Variants in ZNF98 observed in about 807,000 individuals in gnomAD.
The protein encoded by ZNF98 is zinc finger protein 98, also known as zinc finger protein 739.
In ZNF98, 8 loss-of-function variants were observed where a neutral mutation model predicts 12.8. That is an observed-to-expected ratio of 0.63 (90% confidence interval 0.37 to 1.13). The LOEUF (loss-of-function observed/expected upper bound fraction) is 1.13, where lower values mean the gene tolerates loss of function less well. Among genes scored for constraint, ZNF98 ranks in the 50% most tolerant of loss-of-function variants. ZNF98 has a pLI of 0.01. For missense variants in ZNF98, 379 were observed against 666.1 expected, an observed-to-expected ratio of 0.57 and a Z score of 4.74; for synonymous variants, 112 against 223.5, an observed-to-expected ratio of 0.50 and a Z score of 4.45.
At chr19:22,420,388 T>C (rs928995498) in intron 1 of ZNF98, among the ~76,000 whole-genome samples, 4 of 152,168 alleles carry the variant, frequency 2.6e-5, no homozygotes, top group African/African-American at 9.7e-5. Context: ...CTTTTGTCTT[T>C]TGGGATACTA....
intron 3 of ZNF98, chr19:22,402,395 C>G: frequency 2.5e-6 from 1 of 396,478 alleles, no homozygotes; most frequent in Non-Finnish European, 4.4e-6. Flanking sequence ...AACCACTGCT[C>G]TCACACATTT....
chr19:22,413,596 T>C (rs984623716), intron 1 of ZNF98, among the ~76,000 whole-genome samples: 6 of 151,804 alleles, frequency 4.0e-5, no homozygotes, highest in Non-Finnish European at 8.8e-5. Flanking sequence ...ATGGGCCAGG[T>C]GCGGTGGCTC....
chr19:22,407,840 C>A (rs770289977), intron 1 of ZNF98, among the ~76,000 whole-genome samples: 10 of 151,952 alleles, frequency 6.6e-5, no homozygotes, highest in Non-Finnish European at 1.2e-4. Context: ...GAGGCCGAGG[C>A]GGGCAGATCA....
At chr19:22,404,071 T>C (rs886773562) in intron 1 of ZNF98, among the ~76,000 whole-genome samples, 4 of 152,218 alleles carry the variant, frequency 2.6e-5, no homozygotes, top group South Asian at 4.2e-4. Context: ...ATACAAAAAA[T>C]TAGCCAGGCG....
chr19:22,413,029 G>A (rs913548360), intron 1 of ZNF98, among the ~76,000 whole-genome samples: 8 of 151,768 alleles, frequency 5.3e-5, no homozygotes, highest in East Asian at 3.9e-4. Flanking sequence ...CTCCAGCCTG[G>A]GTGACAGAGC....
chr19:22,394,583 A>C (rs1969368762), intron 3 of ZNF98, among the ~76,000 whole-genome samples: 1 of 152,028 alleles, frequency 6.6e-6, no homozygotes, highest in Admixed American at 6.6e-5. Flanking sequence ...CACTATCACA[A>C]GGACAGAAAA....
At chr19:22,403,016 T>G (rs903364344) in intron 2 of ZNF98, 132 bp from the exon 3 acceptor site, 29 of 665,490 alleles carry the variant, frequency 4.4e-5, no homozygotes, top group African/African-American at 5.7e-5. Flanking sequence ...AACAAAAAAT[T>G]TTAAATATTT....
intron 1 of ZNF98, among the ~76,000 whole-genome samples, chr19:22,415,204 A>G (rs1288827853): frequency 3.3e-5 from 5 of 152,234 alleles, no homozygotes; most frequent in Non-Finnish European, 7.3e-5. Flanking sequence ...GAGAATGGCT[A>G]GTATTAGTCA....
intron 1 of ZNF98, among the ~76,000 whole-genome samples, chr19:22,409,899 G>A (rs1218217197): frequency 8.6e-6 from 1 of 116,932 alleles, no homozygotes; most frequent in East Asian, 2.5e-4. Context: ...GAGACAGAAC[G>A]AGACTCTATC....
In ZNF98 at chr19:22,391,414, G is replaced by A; in HGVS notation, c.*102C>T. The A allele has an allele frequency of 1.3e-6, 2 of 1,492,136 alleles. No individual in the cohort carries two copies. The highest frequency in any genetic ancestry group is 1.4e-5 in the African/African-American group (1 of 71,096). The allele number at this position is 1,492,136 out of a possible 1,614,324, so 92.4% of individuals were successfully genotyped here. A position where few individuals can be genotyped will look rare whatever the true frequency, so the allele number is the denominator to read the frequency against. Reference sequence around the variant, plus strand: ...AAGGTTTGAGCATTGTGTAAGTTTTGCCACACTGTTCACACTTGTAGAAGT... The same window carrying A: ...AAGGTTTGAGCATTGTGTAAGTTTTACCACACTGTTCACACTTGTAGAAGT... On this transcript the variant is annotated 3_prime_UTR_variant, in exon 4 of 4. Coordinates refer to ENST00000357774, the MANE Select transcript of ZNF98 (RefSeq NM_001098626.2).
At chr19:22,410,163 T>G (rs1969565528) in intron 1 of ZNF98, among the ~76,000 whole-genome samples, 2 of 152,184 alleles carry the variant, frequency 1.3e-5, no homozygotes, top group Non-Finnish European at 2.9e-5. Context: ...GAGAATGTAT[T>G]AGTTCAACCA....
intron 1 of ZNF98, among the ~76,000 whole-genome samples, chr19:22,414,404 T>C (rs556893800): frequency 6.6e-6 from 1 of 152,232 alleles, no homozygotes; most frequent in East Asian, 1.9e-4. Context: ...AAAACTTATA[T>C]GGTACCAAGA....
chr19:22,403,922 T>C (rs1031673523), intron 1 of ZNF98, among the ~76,000 whole-genome samples: 80 of 152,368 alleles, frequency 5.3e-4, no homozygotes, highest in African/African-American at 1.7e-3. Flanking sequence ...ATGCAGATTA[T>C]TTTTTCAGAA....
chr19:22,400,984 A>C (rs1242695043), intron 3 of ZNF98, among the ~76,000 whole-genome samples: 5 of 151,408 alleles, frequency 3.3e-5, no homozygotes, highest in Admixed American at 6.6e-5. Context: ...CAAAAAAAAA[A>C]CAAGAAAAAC....
At chr19:22,396,474 GATGCAAGA>G (rs1969395778) in intron 3 of ZNF98, among the ~76,000 whole-genome samples, 1 of 151,982 alleles carries the variant, frequency 6.6e-6, no homozygotes, top group Admixed American at 6.6e-5. Flanking sequence ...GAGAAACAAA[GATGCAAGA>G]ATCAAATAAA....
At chr19:22,408,263 T>C (rs1969543985) in intron 1 of ZNF98, among the ~76,000 whole-genome samples, 1 of 152,194 alleles carries the variant, frequency 6.6e-6, no homozygotes, top group Non-Finnish European at 1.5e-5. Context: ...TGTTAAGAAC[T>C]CTCAATAAAC....
intron 3 of ZNF98, among the ~76,000 whole-genome samples, chr19:22,401,561 G>C (rs1293155610): frequency 6.7e-6 from 1 of 149,596 alleles, no homozygotes; most frequent in East Asian, 2.0e-4. Flanking sequence ...TCAGCTCACT[G>C]CAACCTCTGC....
chr19:22,392,942 T>C lies in ZNF98; in HGVS notation c.293A>G (p.Gln98Arg), dbSNP rs775289564. ...TTTTTGGAAATAATTTTTTTTGCCC[T>C]GCTTTGGCCAAAGGTCTTGGGCAAA... is the stretch of plus-strand genomic sequence containing the variant. ...SYFAQDLWPK[Q>R]GKKNYFQKVI... The change falls in exon 4 of 4, where the codon CAG (glutamine) becomes CGG (arginine). Residue 98 changes from glutamine to arginine, a missense_variant. Around this residue, in one of 8 missense-constraint regions of ZNF98, gnomAD observed 223 missense variants for 261.6 expected, o/e 0.85. Transcript: ENST00000357774. 17 of 1,568,024 alleles carry C rather than the reference T, an allele frequency of 1.1e-5. No homozygotes were observed. Among genetic ancestry groups the C allele is most frequent in the Non-Finnish European group, 1.3e-5 (15 of 1,161,812 alleles).
chr19:22,401,909 G>A lies in ZNF98; in HGVS notation c.253+880C>T, dbSNP rs563059259. Among the ~76,000 whole-genome samples the A allele has an allele frequency of 2.0e-3, 308 of 150,832 alleles. 1 individual carries two copies. The highest frequency in any genetic ancestry group is 6.4e-3 in the African/African-American group (263 of 41,136). Reference sequence around the variant, plus strand: ...ATACAATTCTCGGTCAGGCACGGTGGGTCACACCTGTAATCCTAGCACTTT... The same window carrying A: ...ATACAATTCTCGGTCAGGCACGGTGAGTCACACCTGTAATCCTAGCACTTT... On this transcript the variant is annotated intron_variant, in intron 3 of 3. Coordinates refer to ENST00000357774, the MANE Select transcript of ZNF98 (RefSeq NM_001098626.2).
Sources: gnomAD v4.1 joint callset for allele counts (sites outside exome capture counted in the v4.1 genomes callset) on GRCh38, gnomAD v4.1.1 for gene constraint, gnomAD v4.1.1 regional missense constraint, MANE v1.5 for transcripts, NCBI Gene and HGNC (gene_info 2026-07-23, HGNC 2026-07-21) for gene names.